The following SULT2B1 variants were observed in gnomAD, a reference collection of about 807,000 sequenced individuals.
The protein encoded by SULT2B1 is sulfotransferase family 2B member 1.
Under a neutral mutation model 33.2 loss-of-function variants are expected in SULT2B1, and 16 were observed. That is an observed-to-expected ratio of 0.48 (90% CI 0.33 to 0.73). The LOEUF is 0.73. Among genes scored for constraint, SULT2B1 ranks in the 30% least tolerant of loss-of-function variants. The pLI is 0.02. For missense variants in SULT2B1, 500 were observed against 506.0 expected (o/e 0.99, Z 0.11); for synonymous variants, 186 against 200.5 (o/e 0.93, Z 0.61).
At chr19:48,556,761 G>C (rs1316592739) in intron 1 of SULT2B1, among the ~76,000 whole-genome samples, 1 of 151,870 alleles carries the variant, frequency 6.6e-6, no homozygotes, top group Non-Finnish European at 1.5e-5. Flanking sequence ...GACCAGCCTG[G>C]CCAACATGGT....
chr19:48,589,459 C>T (rs1973614723), intron 3 of SULT2B1, among the ~76,000 whole-genome samples: 1 of 152,112 alleles, frequency 6.6e-6, no homozygotes, highest in Admixed American at 6.6e-5. Context: ...TTTGCAATTC[C>T]TTGGCACATA....
chr19:48,565,012 A>C (rs1183201382), intron 1 of SULT2B1, among the ~76,000 whole-genome samples: 1 of 151,942 alleles, frequency 6.6e-6, no homozygotes, highest in Non-Finnish European at 1.5e-5. Context: ...GCTGGTCTTG[A>C]ATGCCTGGAC....
chr19:48,596,947 A>T, intron 6 of SULT2B1, 28 bp downstream of exon 6: 2 of 1,546,472 alleles, frequency 1.3e-6, no homozygotes. Flanking sequence ...TTCAGAGCCC[A>T]CTAGGCCACT....
chr19:48,558,503 C>T (rs1215034489), intron 1 of SULT2B1, among the ~76,000 whole-genome samples: 1 of 151,890 alleles, frequency 6.6e-6, no homozygotes, highest in African/African-American at 2.4e-5. Flanking sequence ...CTCGGGAGTC[C>T]CTGGCGCCGG....
chr19:48,576,132 G>T lies in SULT2B1; in HGVS notation c.214+49G>T, dbSNP rs752847542. The T allele has an allele frequency of 6.5e-5, 96 of 1,480,942 alleles. 1 individual carries two copies. The highest frequency in any genetic ancestry group is 3.7e-4 in the Admixed American group (22 of 58,852). The allele number at this position is 1,480,942 out of a possible 1,614,324, so 91.7% of individuals were successfully genotyped here. A position where few individuals can be genotyped will look rare whatever the true frequency, so the allele number is the denominator to read the frequency against. On this transcript the variant is annotated intron_variant, in intron 2 of 6. Transcript: ENST00000201586. ...GGGGGCTGGGGAGAGTGGGGAGGGG[G>T]TGCGGCAGAGGACAGGAAAGGCACA...
At chr19:48,582,140 G>A (rs915089559) in intron 2 of SULT2B1, among the ~76,000 whole-genome samples, 1 of 149,812 alleles carries the variant, frequency 6.7e-6, no homozygotes, top group Non-Finnish European at 1.5e-5. Flanking sequence ...CCTGACCTCA[G>A]GAGATCCACC....
intron 1 of SULT2B1, among the ~76,000 whole-genome samples, chr19:48,570,474 C>A (rs118002181): frequency 1.3e-5 from 2 of 152,028 alleles, no homozygotes; most frequent in African/African-American, 4.8e-5. Context: ...CCACCGAGCC[C>A]GGCCAGTTCT....
chr19:48,555,531 T>C (rs1973086795), intron 1 of SULT2B1, among the ~76,000 whole-genome samples: 1 of 146,954 alleles, frequency 6.8e-6, no homozygotes, highest in Non-Finnish European at 1.5e-5. Context: ...GCTCCTTGCA[T>C]AGGGATCCCA....
chr19:48,599,119 G>A lies in SULT2B1; in HGVS notation c.827-16G>A, dbSNP rs377109668. On this transcript the variant is annotated splice_polypyrimidine_tract_variant and intron_variant, in intron 6 of 6. Coordinates refer to ENST00000201586, the MANE Select transcript of SULT2B1 (RefSeq NM_177973.2). This position sits in a 1 kb window ranked among gnomAD's most constrained non-coding sequence, Gnocchi z 4.1. Reference sequence around the variant, plus strand: ...CCCCAGAGGCTCCTCACCCCCTGGTGCCCCCTCTTCTCCAGGGGTCTGCGG... The same window carrying A: ...CCCCAGAGGCTCCTCACCCCCTGGTACCCCCTCTTCTCCAGGGGTCTGCGG... 2 of 1,560,266 alleles carry A rather than the reference G, an allele frequency of 1.3e-6. No individual in the cohort carries two copies. Among genetic ancestry groups the A allele is most frequent in the Admixed American group, 3.8e-5 (2 of 53,110 alleles).
chr19:48,591,503 C>T lies in SULT2B1; in HGVS notation c.424-106C>T, dbSNP rs1032331505. 4.5e-6 allele frequency: 6 copies of T among 1,338,190 alleles called. No homozygotes were observed. The African/African-American group carries it at 8.9e-5, about 20-fold the overall frequency. 82.9% of individuals were successfully genotyped at this position (1,338,190 alleles called of 1,614,324 possible). A position where few individuals can be genotyped will look rare whatever the true frequency, so the allele number is the denominator to read the frequency against. ...AAAAAGAGTCTGCCCTGAGTCCTTC[C>T]TGCTTCAGGGTCAGAAGAGAGGGGT... is the stretch of plus-strand genomic sequence containing the variant. On this transcript the variant is annotated intron_variant, in intron 3 of 6. Coordinates refer to ENST00000201586, the MANE Select transcript of SULT2B1 (RefSeq NM_177973.2).
At chr19:48,560,214 A>G (rs1278421459) in intron 1 of SULT2B1, among the ~76,000 whole-genome samples, 1 of 152,032 alleles carries the variant, frequency 6.6e-6, no homozygotes, top group Admixed American at 6.6e-5. Flanking sequence ...AGAAACTCGA[A>G]TGCTAGCAAG....
intron 1 of SULT2B1, among the ~76,000 whole-genome samples, chr19:48,575,100 C>CTTTTTTTTT: frequency 1.2e-5 from 1 of 81,430 alleles, no homozygotes; most frequent in Non-Finnish European, 2.2e-5. Flanking sequence ...CTGTTTTAAC[C>CTTTTTTTTT]TTTTTTTTTT....
intron 2 of SULT2B1, among the ~76,000 whole-genome samples, chr19:48,578,140 G>C (rs918832992): frequency 1.3e-5 from 2 of 152,060 alleles, no homozygotes; most frequent in African/African-American, 2.4e-5. Context: ...TTTAGCTAGA[G>C]AGGTCGAGGC....
chr19:48,578,107 G>A (rs1452074509), intron 2 of SULT2B1, among the ~76,000 whole-genome samples: 2 of 152,052 alleles, frequency 1.3e-5, no homozygotes, highest in East Asian at 3.9e-4. Context: ...CAGCCACTTG[G>A]GAGGCTGAGG....
At chr19:48,592,517 C>G (rs142928586) in intron 4 of SULT2B1, among the ~76,000 whole-genome samples, 1 of 152,068 alleles carries the variant, frequency 6.6e-6, no homozygotes, top group South Asian at 2.1e-4. Flanking sequence ...TAGACAAAGG[C>G]CCCCCAAGAT....
chr19:48,575,463 A>ATAT (rs1568408027), intron 1 of SULT2B1: 31 of 140,970 alleles, frequency 2.2e-4, no homozygotes, highest in African/African-American at 7.7e-4. Flanking sequence ...TAAAATTAAA[A>ATAT]ATATATATAT....
intron 3 of SULT2B1, among the ~76,000 whole-genome samples, chr19:48,589,914 T>C (rs1373557755): frequency 6.6e-6 from 1 of 152,242 alleles, no homozygotes. Context: ...GAGCCATGAT[T>C]GTGCCACAGG....
chr19:48,583,833 G>T lies in SULT2B1; in HGVS notation c.215-3396G>T, dbSNP rs556774591. Among the ~76,000 whole-genome samples, 10 of 147,544 alleles carry T rather than the reference G, an allele frequency of 6.8e-5. No homozygotes were observed. The South Asian group carries it at 2.2e-3, about 32-fold the overall frequency. ...ACTGTCTCAAACAAACAAACAAAAG[G>T]CCAGGCACAGTGGCTTACGCCTGTA... On this transcript the variant is annotated intron_variant, in intron 2 of 6. Coordinates refer to ENST00000201586, the MANE Select transcript of SULT2B1 (RefSeq NM_177973.2).
At chr19:48,585,626 G>C in intron 2 of SULT2B1, among the ~76,000 whole-genome samples, 1 of 150,082 alleles carries the variant, frequency 6.7e-6, no homozygotes, top group East Asian at 2.0e-4. Flanking sequence ...CCAAGATCGC[G>C]CCATTGCACT....
Sources: allele counts gnomAD v4.1 joint callset (sites outside exome capture counted in the v4.1 genomes callset), GRCh38; gene constraint gnomAD v4.1.1; non-coding constraint Gnocchi (gnomAD v3.1); transcripts MANE v1.5; gene names NCBI Gene and HGNC (gene_info 2026-07-23, HGNC 2026-07-21).